FANCB: variants seen among roughly 807,000 people sequenced by gnomAD.
The protein encoded by FANCB is Fanconi anemia group B protein.
Under a neutral mutation model 38.9 loss-of-function variants are expected in FANCB, and 5 were observed. The ratio of observed to expected loss-of-function variants is 0.13; its 90% confidence interval spans 0.07 to 0.27. The LOEUF (loss-of-function observed/expected upper bound fraction) is 0.27. Ranked by LOEUF, FANCB falls within the 10% of genes least tolerant of loss-of-function variation. FANCB has a pLI of 1.00. For missense variants in FANCB, 573 were observed against 602.7 expected, an observed-to-expected ratio of 0.95 and a Z score of 0.52; for synonymous variants, 236 against 215.4, an observed-to-expected ratio of 1.10 and a Z score of -0.84.
the FANCB span, among the ~76,000 whole-genome samples, chrX:14,759,317 A>T: frequency 6.3e-5 from 7 of 111,774 alleles, no homozygotes; most frequent in Non-Finnish European, 3.8e-5. Context: ...ATCGAGGAAA[A>T]CTTCCCTGGT....
the FANCB span, among the ~76,000 whole-genome samples, chrX:14,763,960 T>C: frequency 4.4e-3 from 489 of 111,849 alleles, 4 homozygotes; most frequent in African/African-American, 0.015. Flanking sequence ...GAGTAAGATT[T>C]AATAATACTC....
At chrX:14,806,321 G>C in the FANCB span, among the ~76,000 whole-genome samples, 1 of 112,134 alleles carries the variant, frequency 8.9e-6, no homozygotes, top group African/African-American at 3.2e-5. Context: ...GAGAACTCGA[G>C]TGCCTTTGAT....
the FANCB span, among the ~76,000 whole-genome samples, chrX:14,799,159 T>C: frequency 4.5e-5 from 5 of 112,249 alleles, no homozygotes; most frequent in Non-Finnish European, 9.4e-5. Context: ...TTCCACCCCG[T>C]GGTTAAAGAA....
At chrX:14,845,948 A>G (rs114300098) in intron 7 of FANCB, among the ~76,000 whole-genome samples, 2,512 of 111,961 alleles carry the variant, frequency 0.022, 62 homozygotes, top group African/African-American at 0.077. Context: ...CAAAGAAAGA[A>G]CTTGAATGTA....
chrX:14,820,356 G>A, the FANCB span, among the ~76,000 whole-genome samples: 3 of 111,656 alleles, frequency 2.7e-5, no homozygotes, highest in Admixed American at 9.5e-5. Context: ...CCATGTCATT[G>A]CTTTGGTGAT....
chrX:14,718,643 C>T, the FANCB span, among the ~76,000 whole-genome samples: 2 of 111,951 alleles, frequency 1.8e-5, no homozygotes, highest in South Asian at 7.4e-4. Context: ...TGTTTGTCCA[C>T]ATGTCTGGTG....
chrX:14,800,869 A>G, the FANCB span, among the ~76,000 whole-genome samples: 1 of 111,806 alleles, frequency 8.9e-6, no homozygotes, highest in Non-Finnish European at 1.9e-5. Context: ...CAAAAATACA[A>G]TATTTTTGTA....
downstream of FANCB, among the ~76,000 whole-genome samples, chrX:14,833,022 T>C (rs1295582987): frequency 8.9e-6 from 1 of 112,418 alleles, no homozygotes; most frequent in Non-Finnish European, 1.9e-5. Context: ...AATTTCTCAT[T>C]TAGGAATTAA....
chrX:14,753,030 TTAG>T, the FANCB span, among the ~76,000 whole-genome samples: 1 of 93,390 alleles, frequency 1.1e-5, no homozygotes, highest in South Asian at 5.8e-4. Context: ...CACACACACA[TTAG>T]TTTTTCTCTA....
In FANCB at chrX:14,850,417, TAA is replaced by T. The variant is rs576121430; in HGVS notation, c.1496+86_1496+87del. ...TTTTAAATATGGCCTCTAGAACATT[TAA>T]AATTGCACGTGGCTTACATTAATTT... is the stretch of plus-strand genomic sequence containing the variant. On this transcript the variant is annotated intron_variant, in intron 7 of 9. Coordinates refer to ENST00000650831, the MANE Select transcript of FANCB (RefSeq NM_001018113.3). The T allele has an allele frequency of 3.2e-4, 234 of 726,830 alleles. 2 individuals are homozygous for T. In the South Asian group the frequency reaches 4.9e-3, roughly 15 times the overall value. 59.9% of individuals were successfully genotyped at this position (726,830 alleles called of 1,213,427 possible). A position where few individuals can be genotyped will look rare whatever the true frequency, so the allele number is the denominator to read the frequency against.
At chrX:14,706,671 G>A in the FANCB span, among the ~76,000 whole-genome samples, 1 of 111,564 alleles carries the variant, frequency 9.0e-6, no homozygotes, top group South Asian at 3.8e-4. Context: ...TCCTATAACT[G>A]AGAAGGTTCC....
chrX:14,739,523 G>T, the FANCB span, among the ~76,000 whole-genome samples: 1 of 112,045 alleles, frequency 8.9e-6, no homozygotes, highest in Admixed American at 9.5e-5. Flanking sequence ...CATGAATGAC[G>T]AAATAAATGT....
At chrX:14,777,511 C>T in the FANCB span, among the ~76,000 whole-genome samples, 4 of 112,238 alleles carry the variant, frequency 3.6e-5, no homozygotes, top group Non-Finnish European at 5.6e-5. Context: ...GGGATAATTA[C>T]TGGATTCATA....
chrX:14,798,228 T>C, the FANCB span, among the ~76,000 whole-genome samples: 1 of 110,160 alleles, frequency 9.1e-6, no homozygotes, highest in African/African-American at 3.3e-5. Flanking sequence ...GGTGGCGCAA[T>C]CTTGGCTCAC....
At position 14,864,812 on chromosome X, in the gene FANCB, G is replaced by A. The variant is rs1193254280; in HGVS notation, c.699C>T (p.Tyr233=). The A allele has an allele frequency of 1.7e-6, 2 of 1,206,132 alleles. No homozygotes were observed. The highest frequency in any genetic ancestry group is 1.8e-5 in the South Asian group (1 of 56,827). ...LSDIYIIPPA[Y]SSVVTYVHIC... The stretch of plus-strand genomic sequence containing the variant: ...TATGTACATAAGTCACCACACTGCT[G>A]TAAGCAGGAGGAATAATGTATATAT... The change falls in exon 3 of 10, where the codon TAC becomes TAT. Residue 233 remains tyrosine, a synonymous_variant. Coordinates refer to ENST00000650831, the MANE Select transcript of FANCB (RefSeq NM_001018113.3).
At chrX:14,832,870 T>C (rs1052699349), downstream of FANCB, among the ~76,000 whole-genome samples, 1 of 112,191 alleles carries the variant, frequency 8.9e-6, no homozygotes, top group Non-Finnish European at 1.9e-5. Flanking sequence ...TTGAATGCTT[T>C]CCACTGGTTA....
At chrX:14,852,492 C>A (rs2092405807) in intron 6 of FANCB, among the ~76,000 whole-genome samples, 1 of 110,305 alleles carries the variant, frequency 9.1e-6, no homozygotes, top group Admixed American at 9.6e-5. Context: ...TGATGATCAG[C>A]CACAAGGAAA....
chrX:14,844,710 G>C lies in FANCB; in HGVS notation c.1958C>G (p.Ala653Gly). The change falls in exon 9 of 10, where the codon GCA becomes GGA. Residue 653 changes from alanine to glycine, a missense_variant. Coordinates refer to ENST00000650831, the MANE Select transcript of FANCB (RefSeq NM_001018113.3). ...TTGAAAACAAGATTTATGGAATGCT[G>C]CAAGAAGTGCAAAAAGATCTTCCAT... ...EHMEDLFALL[A>G]AFHKSCFQIT... The C allele has an allele frequency of 2.5e-6, 3 of 1,209,652 alleles. No homozygotes were observed. Among genetic ancestry groups the C allele is most frequent in the Non-Finnish European group, 3.4e-6 (3 of 893,617 alleles).
At chrX:14,871,227 A>G (rs1368644217) in intron 1 of FANCB, among the ~76,000 whole-genome samples, 1 of 111,809 alleles carries the variant, frequency 8.9e-6, no homozygotes, top group Non-Finnish European at 1.9e-5. Flanking sequence ...ATAAGTAATG[A>G]TAACCCACTG....
Sources: allele counts gnomAD v4.1 joint callset (sites outside exome capture counted in the v4.1 genomes callset), GRCh38; gene constraint gnomAD v4.1.1; transcripts MANE v1.5; gene names NCBI Gene and HGNC (gene_info 2026-07-23, HGNC 2026-07-21).